The following MAP4K4 variants were observed in gnomAD, a reference collection of about 807,000 sequenced individuals.
MAP4K4 encodes the protein mitogen-activated protein kinase kinase kinase kinase 4, also known as HPK/GCK-like kinase HGK.
A neutral mutation model predicts 189.6 loss-of-function variants in MAP4K4; 38 were observed. The ratio of observed to expected loss-of-function variants is 0.20; its 90% CI spans 0.15 to 0.26. The LOEUF is 0.26. MAP4K4 is among the 10% of genes least tolerant of loss of function. The probability of loss-of-function intolerance (pLI) is 1.00; values close to 1 mark genes in which losing one functional copy is unlikely to be tolerated. For synonymous variants in MAP4K4, 610 were observed against 624.3 expected (o/e 0.98, Z 0.34); for missense variants, 1,054 against 1,726.9 (o/e 0.61, Z 6.91).
rs1249488956 is a variant in MAP4K4 at position 101,864,070 on chromosome 2, G to A, written c.2097+19G>A. On this transcript the variant is annotated intron_variant, in intron 17 of 32. Coordinates refer to ENST00000324219, the Ensembl canonical transcript of MAP4K4. ...TCCAAGGGTAAGGAGCAGAAAGACAGATGTGTGCTGCTTTTTTCCTTTTTG... is the reference window on the plus strand; with the variant it reads ...TCCAAGGGTAAGGAGCAGAAAGACAAATGTGTGCTGCTTTTTTCCTTTTTG... The A allele has an allele frequency of 7.9e-7, 1 of 1,262,160 alleles. No individual in the cohort carries two copies. The highest frequency in any genetic ancestry group is 1.1e-6 in the Non-Finnish European group (1 of 947,070). 78.2% of individuals were successfully genotyped at this position (1,262,160 alleles called of 1,614,324 possible).
At chr2:101,806,501 T>G (rs917553427) in intron 3 of MAP4K4, among the ~76,000 whole-genome samples, 1 of 151,266 alleles carries the variant, frequency 6.6e-6, no homozygotes, top group African/African-American at 2.4e-5. Context: ...TCAGCCTCCC[T>G]AGGAGCTGGG....
At chr2:101,813,522 T>G (rs190558214) in intron 3 of MAP4K4, among the ~76,000 whole-genome samples, 1 of 152,336 alleles carries the variant, frequency 6.6e-6, no homozygotes, top group Admixed American at 6.5e-5. Flanking sequence ...TCTCCCTCAG[T>G]CTTTTTGGTA....
chr2:101,832,738 C>G (rs953659256), intron 7 of MAP4K4, among the ~76,000 whole-genome samples: 3 of 152,124 alleles, frequency 2.0e-5, no homozygotes, highest in Admixed American at 6.5e-5. Context: ...GTATGCAGAA[C>G]AAGGCAATGT....
At chr2:101,773,143 T>C (rs1390452721) in intron 2 of MAP4K4, among the ~76,000 whole-genome samples, 1 of 152,214 alleles carries the variant, frequency 6.6e-6, no homozygotes, top group Non-Finnish European at 1.5e-5. Flanking sequence ...TCTTCCTTGA[T>C]TGTAGCACTA....
At chr2:101,857,726 C>A (rs1282977779) in intron 13 of MAP4K4, among the ~76,000 whole-genome samples, 1 of 152,164 alleles carries the variant, frequency 6.6e-6, no homozygotes, top group African/African-American at 2.4e-5. Flanking sequence ...TGCCCACACC[C>A]CCCCAGTTGG....
chr2:101,715,028 G>C (rs2047659995), intron 2 of MAP4K4, among the ~76,000 whole-genome samples: 2 of 152,204 alleles, frequency 1.3e-5, no homozygotes, highest in Non-Finnish European at 2.9e-5. Flanking sequence ...GCATTAGTCT[G>C]TTAGGGCTGC....
At chr2:101,798,524 G>A (rs771552919) in intron 3 of MAP4K4, among the ~76,000 whole-genome samples, 3 of 152,134 alleles carry the variant, frequency 2.0e-5, no homozygotes, top group African/African-American at 7.2e-5. Flanking sequence ...TATGGATGAC[G>A]ACAGTTGGAA....
At chr2:101,852,872 G>T (rs2097331033) in intron 12 of MAP4K4, among the ~76,000 whole-genome samples, 1 of 152,132 alleles carries the variant, frequency 6.6e-6, no homozygotes, top group Non-Finnish European at 1.5e-5. Context: ...GGTGAAAGAT[G>T]AACTAAAACA....
At chr2:101,800,161 G>T (rs1213173438) in intron 3 of MAP4K4, among the ~76,000 whole-genome samples, 1 of 151,386 alleles carries the variant, frequency 6.6e-6, no homozygotes, top group African/African-American at 2.4e-5. Context: ...ACAGGATCTT[G>T]CTTCATCCCC....
chr2:101,761,219 C>T (rs964984011), intron 2 of MAP4K4, among the ~76,000 whole-genome samples: 1 of 151,978 alleles, frequency 6.6e-6, no homozygotes, highest in African/African-American at 2.4e-5. Flanking sequence ...ATGTGATTTT[C>T]TTTTCTTTTG....
Position 101,698,155 on chromosome 2 carries a change from C to T in MAP4K4, c.57+18C>T, listed in dbSNP as rs2149082479. 3.4e-6 allele frequency: 4 copies of T among 1,169,494 alleles called. No individual in the cohort carries two copies. Among genetic ancestry groups the T allele is most frequent in the Middle Eastern group, 2.5e-4 (1 of 4,060 alleles). The allele number at this position is 1,169,494 out of a possible 1,614,324, so 72.4% of individuals were successfully genotyped here. The stretch of plus-strand genomic sequence containing the variant: ...CCCTGCGGGTGAGTGGGCCCGCGAG[C>T]GGGCGCGCGGGGAGCGGGCAGCCGG... On this transcript the variant is annotated intron_variant, in intron 1 of 32. Coordinates refer to ENST00000324219, the Ensembl canonical transcript of MAP4K4.
intron 2 of MAP4K4, among the ~76,000 whole-genome samples, chr2:101,724,054 G>A (rs868268524): frequency 3.3e-5 from 5 of 152,328 alleles, no homozygotes; most frequent in Admixed American, 2.6e-4. Context: ...CTTCTTAGCT[G>A]TAGACTGAGC....
intron 31 of MAP4K4, among the ~76,000 whole-genome samples, 180 bp downstream of exon 31, chr2:101,888,117 T>G (rs2098514089): frequency 6.6e-6 from 1 of 152,220 alleles, no homozygotes; most frequent in Non-Finnish European, 1.5e-5. Flanking sequence ...TAGGTCTATT[T>G]TAGAACAAAA....
chr2:101,704,350 T>C (rs1318042093), intron 2 of MAP4K4, among the ~76,000 whole-genome samples: 2 of 151,742 alleles, frequency 1.3e-5, no homozygotes, highest in African/African-American at 4.8e-5. Flanking sequence ...TCAAAAACTG[T>C]TTTACTAACT....
At chr2:101,824,271 G>C (rs1249400850) in intron 4 of MAP4K4, among the ~76,000 whole-genome samples, 1 of 152,162 alleles carries the variant, frequency 6.6e-6, no homozygotes, top group Non-Finnish European at 1.5e-5. Flanking sequence ...GTGGAAAAAA[G>C]TTAACTTTGT....
chr2:101,740,825 A>G (rs536437831), intron 2 of MAP4K4, among the ~76,000 whole-genome samples: 3 of 152,300 alleles, frequency 2.0e-5, no homozygotes, highest in South Asian at 4.2e-4. Context: ...AAACCTTGCT[A>G]AATTTTGTGG....
chr2:101,784,266 G>A (rs1030613402), intron 2 of MAP4K4, among the ~76,000 whole-genome samples: 78 of 67,760 alleles, frequency 1.2e-3, no homozygotes, highest in African/African-American at 6.4e-3. Context: ...TGCTCTTCGT[G>A]TGTGTGTGTG....
intron 2 of MAP4K4, among the ~76,000 whole-genome samples, chr2:101,788,383 G>A (rs1055168465): frequency 5.3e-5 from 8 of 152,136 alleles, no homozygotes; most frequent in Non-Finnish European, 8.8e-5. Flanking sequence ...GAACGGGGGC[G>A]AAGCACCTGA....
intron 2 of MAP4K4, among the ~76,000 whole-genome samples, chr2:101,756,486 G>T (rs1246969449): frequency 6.6e-6 from 1 of 152,192 alleles, no homozygotes; most frequent in African/African-American, 2.4e-5. Flanking sequence ...CAGGTCATTA[G>T]TGACAGGACT....
Sources: gnomAD v4.1 joint callset for allele counts (sites outside exome capture counted in the v4.1 genomes callset) on GRCh38, gnomAD v4.1.1 for gene constraint, MANE v1.5 for transcripts, NCBI Gene and HGNC (gene_info 2026-07-23, HGNC 2026-07-21) for gene names.